The following INTS7 variants were observed in gnomAD, a reference collection of about 807,000 sequenced individuals.
INTS7 encodes the protein integrator complex subunit 7.
In INTS7, 46 loss-of-function variants were observed where a neutral mutation model predicts 109.2. That is an observed-to-expected ratio of 0.42 (90% CI 0.33 to 0.54). INTS7 has a LOEUF of 0.54. INTS7 is among the 20% of genes least tolerant of loss of function. The probability of loss-of-function intolerance (pLI) is 0.07; values close to 1 mark genes in which losing one functional copy is unlikely to be tolerated. For synonymous variants in INTS7, 412 were observed against 402.9 expected, an observed-to-expected ratio of 1.02 and a Z score of -0.27; for missense variants, 929 against 1,132.4, an observed-to-expected ratio of 0.82 and a Z score of 2.58.
chr1:211,971,703 G>A (rs1051986158), intron 13 of INTS7, among the ~76,000 whole-genome samples: 1 of 152,116 alleles, frequency 6.6e-6, no homozygotes, highest in Non-Finnish European at 1.5e-5. Flanking sequence ...ATCACCTTAG[G>A]TCAGGAGTTC....
intron 7 of INTS7, among the ~76,000 whole-genome samples, chr1:211,995,068 A>C (rs1209280019): frequency 6.6e-6 from 1 of 152,186 alleles, no homozygotes; most frequent in Non-Finnish European, 1.5e-5. Context: ...ATGGCAGCAG[A>C]AAAGAGAATT....
intron 4 of INTS7, among the ~76,000 whole-genome samples, chr1:212,014,540 A>G (rs1256606872): frequency 6.8e-6 from 1 of 146,166 alleles, no homozygotes; most frequent in African/African-American, 2.5e-5. Context: ...AAAAAAATTT[A>G]TCCTCTCCCT....
chr1:211,998,104 G>A (rs979531550), intron 7 of INTS7, among the ~76,000 whole-genome samples: 2 of 152,156 alleles, frequency 1.3e-5, no homozygotes, highest in Non-Finnish European at 2.9e-5. Context: ...GACTGTAAGT[G>A]TATACCACTA....
chr1:212,005,117 C>A (rs114352379), intron 7 of INTS7, among the ~76,000 whole-genome samples: 1 of 151,822 alleles, frequency 6.6e-6, no homozygotes, highest in African/African-American at 2.4e-5. Flanking sequence ...TAGGCCCATG[C>A]GGAAATAACC....
At chr1:212,015,367 A>C (rs1666375997) in intron 4 of INTS7, among the ~76,000 whole-genome samples, 1 of 152,140 alleles carries the variant, frequency 6.6e-6, no homozygotes. Flanking sequence ...TACTAAGAAA[A>C]ATTCTTCTGC....
At chr1:212,023,937 C>A (rs1171750979) in intron 1 of INTS7, among the ~76,000 whole-genome samples, 4 of 152,190 alleles carry the variant, frequency 2.6e-5, no homozygotes, top group African/African-American at 9.7e-5. Flanking sequence ...ATAGGGCTAG[C>A]CAGCTATCCC....
intron 16 of INTS7, among the ~76,000 whole-genome samples, chr1:211,957,911 C>A (rs1663442120): frequency 6.6e-6 from 1 of 151,852 alleles, no homozygotes; most frequent in South Asian, 2.1e-4. Flanking sequence ...AATATTCACC[C>A]TCAGTTTATC....
At position 211,942,088 on chromosome 1, in the gene INTS7, A is replaced by G. The variant is rs140499664; in HGVS notation, c.2625T>C (p.Asn875=). The change falls in exon 20 of 20, where the codon AAT becomes AAC. Residue 875 remains asparagine (N), a synonymous_variant. Coordinates refer to ENST00000366994, the MANE Select transcript of INTS7 (RefSeq NM_015434.4). This position sits in a 1 kb window ranked among gnomAD's most constrained non-coding sequence, Gnocchi z 4.2. ...DYKIPIDNMT[N]EMEQRVEPHN... is the part of the protein sequence containing the mutation. ...GAGGTTCAACCCTTTGCTCCATCTC[A>G]TTGGTCATGTTGTCAATGGGTATCT... 125 of 1,613,736 alleles carry G rather than the reference A, an allele frequency of 7.7e-5. No individual in the cohort carries two copies. The highest frequency in any genetic ancestry group is 9.9e-5 in the Non-Finnish European group (117 of 1,179,742).
At chr1:211,943,522 A>G (rs1324105600) in intron 19 of INTS7, among the ~76,000 whole-genome samples, 3 of 152,152 alleles carry the variant, frequency 2.0e-5, no homozygotes, top group Non-Finnish European at 4.4e-5. Context: ...AAATATAGTA[A>G]ATAATTTTTT....
chr1:212,020,682 G>A (rs1490551564), intron 2 of INTS7: 30 of 967,114 alleles, frequency 3.1e-5, no homozygotes, highest in South Asian at 2.3e-4. Flanking sequence ...TGGAATGGTC[G>A]GGGGAGAAAA....
chr1:211,969,193 G>C (rs2102410766), intron 13 of INTS7, among the ~76,000 whole-genome samples: 1 of 151,914 alleles, frequency 6.6e-6, no homozygotes, highest in African/African-American at 2.4e-5. Flanking sequence ...GCTGAGGCAG[G>C]AGAATGGCGT....
chr1:211,993,239 T>C (rs1665220306), intron 7 of INTS7, among the ~76,000 whole-genome samples: 1 of 152,250 alleles, frequency 6.6e-6, no homozygotes, highest in South Asian at 2.1e-4. Context: ...CTGAACTTGT[T>C]ACTCCTCCTA....
intron 18 of INTS7, 151 bp from the exon 19 acceptor site, chr1:211,945,120 C>G: frequency 1.6e-6 from 1 of 643,642 alleles, no homozygotes; most frequent in South Asian, 2.0e-5. Context: ...GACAACGAGA[C>G]AGATGTACCT....
Position 211,941,965 on chromosome 1 carries a change from T to C in INTS7, c.2748A>G (p.Ile916Met). The C allele has an allele frequency of 6.2e-7, 1 of 1,614,246 alleles. No homozygotes were observed. The highest frequency in any genetic ancestry group is 8.5e-7 in the Non-Finnish European group (1 of 1,180,036). ...VESSVKDANG[I>M]VWKTGPRTTI... The stretch of plus-strand genomic sequence containing the variant: ...TAGTTCTGGGACCAGTCTTCCATAC[T>C]ATACCATTGGCATCTTTCACAGAAG... Residue 916 changes from isoleucine (I) to methionine (M), a missense_variant, in exon 20 of 20, where the codon ATA (isoleucine) becomes ATG (methionine). By Grantham distance (10) the Ile-to-Met change is conservative. Coordinates refer to ENST00000366994, the MANE Select transcript of INTS7 (RefSeq NM_015434.4).
chr1:211,971,199 G>GT (rs141095135), intron 13 of INTS7, among the ~76,000 whole-genome samples: 3,973 of 152,252 alleles, frequency 0.026, 56 homozygotes, highest in African/African-American at 0.046. Flanking sequence ...CTAAATACCA[G>GT]TAACAACTGG....
chr1:212,023,497 T>G (rs900507588), intron 1 of INTS7, among the ~76,000 whole-genome samples: 4 of 152,236 alleles, frequency 2.6e-5, no homozygotes, highest in Admixed American at 2.0e-4. Flanking sequence ...TCTCTGATGA[T>G]TACTGAAGCT....
At chr1:211,996,991 T>C (rs1370361164) in intron 7 of INTS7, among the ~76,000 whole-genome samples, 1 of 152,096 alleles carries the variant, frequency 6.6e-6, no homozygotes, top group African/African-American at 2.4e-5. Flanking sequence ...ACCACTGCAC[T>C]CCAGCCTGGG....
At position 211,968,643 on chromosome 1, in the gene INTS7, AG is replaced by A. The variant is rs1432079064; in HGVS notation, c.1879del (p.Leu627PhefsTer15). ...QCEFVKLRID[L>X]LQAFSQLICT... Reference sequence around the variant, plus strand: ...GATAAGTTGAGAGAAGGCTTGTAAAAGGTCAATCCTGAGTTTTACAAATTCA... The same window carrying A: ...GATAAGTTGAGAGAAGGCTTGTAAAAGTCAATCCTGAGTTTTACAAATTCA... On this transcript the variant is annotated frameshift_variant, in exon 14 of 20. Coordinates refer to ENST00000366994, the MANE Select transcript of INTS7 (RefSeq NM_015434.4). LOFTEE classifies it high-confidence loss of function. 1 of 1,614,068 alleles carries A rather than the reference AG, an allele frequency of 6.2e-7. No homozygotes were observed. The highest frequency in any genetic ancestry group is 8.5e-7 in the Non-Finnish European group (1 of 1,179,986).
In INTS7 at chr1:212,035,410, G is replaced by A; in HGVS notation, c.28C>T (p.Leu10=). The A allele has an allele frequency of 4.3e-6, 7 of 1,613,980 alleles. No homozygotes were observed. Among genetic ancestry groups the A allele is most frequent in the South Asian group, 1.1e-5 (1 of 91,086 alleles). MASNSTKSF[L]ADAGYGEQEL... is the part of the protein sequence containing the mutation. ...TGTTCGCCATAGCCGGCATCTGCCA[G>A]GAAAGACTTAGTTGAGTTTGACGCC... Residue 10 remains leucine, a synonymous_variant, in exon 1 of 20, where the codon CTG becomes TTG. Transcript: ENST00000366994.
Sources: gnomAD v4.1 joint callset for allele counts (sites outside exome capture counted in the v4.1 genomes callset) on GRCh38, gnomAD v4.1.1 for gene constraint, Gnocchi (gnomAD v3.1) non-coding constraint, MANE v1.5 for transcripts, NCBI Gene and HGNC (gene_info 2026-07-23, HGNC 2026-07-21) for gene names.